Variants in TRIQK observed in about 807,000 individuals in gnomAD.
TRIQK encodes the protein triple QxxK/R motif containing, also known as triple QxxK/R motif-containing protein.
In TRIQK, 10 loss-of-function variants were observed where a neutral mutation model predicts 10.8. That is an observed-to-expected ratio of 0.92 (90% confidence interval 0.57 to 1.57). TRIQK has a LOEUF of 1.57. Among genes scored for constraint, TRIQK ranks in the 40% most tolerant of loss-of-function variants. The probability of loss-of-function intolerance (pLI) is 0.00; values close to 1 mark genes in which losing one functional copy is unlikely to be tolerated. For missense variants in TRIQK, 107 were observed against 97.7 expected (o/e 1.09, Z -0.40); for synonymous variants, 33 against 33.7 (o/e 0.98, Z 0.07).
chr8:92,966,449 G>A (rs183456608), upstream of TRIQK, among the ~76,000 whole-genome samples: 32 of 152,298 alleles, frequency 2.1e-4, no homozygotes, highest in African/African-American at 7.5e-4. Flanking sequence ...GCGTCCCTAA[G>A]TGGAAGGGCG....
At chr8:93,002,084 T>C (rs1813216829) in intron 1 of TRIQK, among the ~76,000 whole-genome samples, 1 of 152,064 alleles carries the variant, frequency 6.6e-6, no homozygotes, top group South Asian at 2.1e-4. Flanking sequence ...AAATGGAAAT[T>C]GCAATACAGC....
chr8:92,901,972 T>A (rs771250937), intron 3 of TRIQK, among the ~76,000 whole-genome samples: 1 of 152,140 alleles, frequency 6.6e-6, no homozygotes, highest in East Asian at 1.9e-4. Context: ...TCTTAGTGAG[T>A]TGTATGAGTC....
intron 2 of TRIQK, among the ~76,000 whole-genome samples, chr8:92,952,831 G>C (rs1161341878): frequency 2.0e-5 from 3 of 151,926 alleles, no homozygotes; most frequent in African/African-American, 7.2e-5. Context: ...AATTTGCTTT[G>C]ACCAATGAAA....
intron 3 of TRIQK, among the ~76,000 whole-genome samples, chr8:92,894,505 C>T (rs550551175): frequency 2.7e-4 from 41 of 151,522 alleles, no homozygotes; most frequent in African/African-American, 9.4e-4. Context: ...GTTTCTTGAA[C>T]ACAACTGATT....
intron 1 of TRIQK, among the ~76,000 whole-genome samples, chr8:92,983,700 T>C (rs1316953497): frequency 6.6e-6 from 1 of 152,052 alleles, no homozygotes; most frequent in East Asian, 1.9e-4. Context: ...GTAATCTGTG[T>C]GTTTAAGGTG....
chr8:92,984,939 C>T lies in TRIQK; in HGVS notation c.-180-30375G>A, dbSNP rs1586522613. On this transcript the variant is annotated intron_variant, in intron 1 of 4. Transcript: ENST00000520686. The stretch of plus-strand genomic sequence containing the variant: ...GAATACTCAACTGTTGTGTATAATG[C>T]AGCTCTTGTTACTTCTGAGATAAAT... Among the ~76,000 whole-genome samples, 6 of 152,238 alleles carry T rather than the reference C, an allele frequency of 3.9e-5. 1 individual carries two copies. The highest frequency in any genetic ancestry group is 3.9e-4 in the Admixed American group (6 of 15,274).
rs1373319940 is a variant in TRIQK at position 92,885,930 on chromosome 8, A to T, written c.*692T>A. ...AATTCCAAGGTTATATTAATAGAGT[A>T]ATAAGTTAATTAAAACCAAGATCAA... On this transcript the variant is annotated 3_prime_UTR_variant, in exon 5 of 5. Transcript: ENST00000521988. 6.6e-6 allele frequency: 1 copy of T among 151,690 alleles called. No individual in the cohort carries two copies. Among genetic ancestry groups the T allele is most frequent in the Non-Finnish European group, 1.5e-5 (1 of 67,776 alleles). 9.4% of individuals were successfully genotyped at this position (151,690 alleles called of 1,614,324 possible). A position where few individuals can be genotyped will look rare whatever the true frequency, so the allele number is the denominator to read the frequency against.
chr8:92,929,762 A>AT (rs1277537557), intron 2 of TRIQK, among the ~76,000 whole-genome samples: 4 of 152,198 alleles, frequency 2.6e-5, no homozygotes, highest in Non-Finnish European at 5.9e-5. Context: ...TTAAATAGCA[A>AT]TTTTTTCAAG....
chr8:92,949,878 G>C (rs1033249434), intron 2 of TRIQK, among the ~76,000 whole-genome samples: 5 of 140,358 alleles, frequency 3.6e-5, no homozygotes, highest in African/African-American at 7.8e-5. Flanking sequence ...GGGAGGGAGG[G>C]AGGGAGGAAG....
intron 1 of TRIQK, chr8:92,965,767 G>C (rs537661981): frequency 2.2e-4 from 34 of 152,624 alleles, no homozygotes; most frequent in Admixed American, 2.1e-3. Context: ...CGCAGCCAGC[G>C]CCCTACTCAA....
In TRIQK at chr8:92,884,499, T is replaced by C. The variant is rs1342887557; in HGVS notation, c.*2123A>G. The C allele has an allele frequency of 1.5e-5, 4 of 271,864 alleles. No individual in the cohort carries two copies. The highest frequency in any genetic ancestry group is 2.9e-5 in the Non-Finnish European group (4 of 138,790). The allele number at this position is 271,864 out of a possible 1,614,324, so 16.8% of individuals were successfully genotyped here. On this transcript the variant is annotated 3_prime_UTR_variant, in exon 5 of 5. Coordinates refer to ENST00000521988, the MANE Select transcript of TRIQK (RefSeq NM_001171797.2). ...ATGGACTAGCTGTAGACTCAGGATATCAATAAAACTAGGCAGTGAAATTTG... is the reference window on the plus strand; with the variant it reads ...ATGGACTAGCTGTAGACTCAGGATACCAATAAAACTAGGCAGTGAAATTTG...
At chr8:92,970,502 T>C (rs1043253694), upstream of TRIQK, among the ~76,000 whole-genome samples, 3 of 152,368 alleles carry the variant, frequency 2.0e-5, no homozygotes, top group Admixed American at 6.5e-5. Context: ...TTCTGACTGG[T>C]GTGAAATGGT....
intron 4 of TRIQK, among the ~76,000 whole-genome samples, chr8:92,890,791 G>A (rs1816725312): frequency 6.6e-6 from 1 of 151,802 alleles, no homozygotes; most frequent in African/African-American, 2.4e-5. Flanking sequence ...ATGACATATT[G>A]CCTTTGAGGG....
At chr8:92,910,197 A>T (rs1809498662) in intron 3 of TRIQK, among the ~76,000 whole-genome samples, 1 of 151,450 alleles carries the variant, frequency 6.6e-6, no homozygotes, top group Non-Finnish European at 1.5e-5. Context: ...AATTCTAGTA[A>T]GTACAATTAA....
chr8:93,017,661 G>A (rs1813398674), exon 1 of TRIQK: 1 of 152,268 alleles, frequency 6.6e-6, no homozygotes, highest in Non-Finnish European at 1.5e-5. Flanking sequence ...GGAGAGGCCA[G>A]AATTGCCGGA....
intron 1 of TRIQK, among the ~76,000 whole-genome samples, chr8:92,982,973 T>A (rs1813000852): frequency 6.6e-6 from 1 of 152,016 alleles, no homozygotes; most frequent in African/African-American, 2.4e-5. Flanking sequence ...TTAATGTCTC[T>A]GTGCCTTAAT....
chr8:92,947,587 G>GA (rs35808197), intron 2 of TRIQK, among the ~76,000 whole-genome samples: 11,790 of 60,894 alleles, frequency 0.19, 954 homozygotes, highest in Non-Finnish European at 0.26. Context: ...TCCGCCTCAG[G>GA]AAAAAAAAAA....
intron 1 of TRIQK, among the ~76,000 whole-genome samples, chr8:93,002,407 G>C (rs900588351): frequency 6.6e-6 from 1 of 151,918 alleles, no homozygotes; most frequent in Non-Finnish European, 1.5e-5. Flanking sequence ...TAAAATCAGA[G>C]ATAAAAATAA....
chr8:92,977,189 C>T (rs1812941891), intron 1 of TRIQK, among the ~76,000 whole-genome samples: 1 of 151,868 alleles, frequency 6.6e-6, no homozygotes, highest in South Asian at 2.1e-4. Flanking sequence ...AAGTCTTTCA[C>T]CTTTTGTATG....
Sources: allele counts gnomAD v4.1 joint callset (sites outside exome capture counted in the v4.1 genomes callset), GRCh38; gene constraint gnomAD v4.1.1; transcripts MANE v1.5; gene names NCBI Gene and HGNC (gene_info 2026-07-23, HGNC 2026-07-21).